Variants in ZFAND1 observed in about 807,000 individuals in gnomAD.
ZFAND1 encodes zinc finger AN1-type containing 1, also known as AN1-type zinc finger protein 1.
A neutral mutation model predicts 38.5 loss-of-function variants in ZFAND1; 40 were observed. The observed-to-expected ratio is 1.04, with a 90% CI of 0.81 to 1.35. The LOEUF is 1.35. Among genes scored for constraint, ZFAND1 ranks in the 40% most tolerant of loss-of-function variants. ZFAND1 has a pLI of 0.00. For missense variants in ZFAND1, 346 were observed against 316.3 expected, an observed-to-expected ratio of 1.09 and a Z score of -0.71; for synonymous variants, 117 against 103.6, an observed-to-expected ratio of 1.13 and a Z score of -0.78.
chr8:81,708,761 G>A (rs904635522), intron 6 of ZFAND1: 42 of 1,212,466 alleles, frequency 3.5e-5, no homozygotes, highest in Non-Finnish European at 4.2e-5. Context: ...GCAGTATACG[G>A]AACTGGTTAG....
Position 81,714,604 on chromosome 8 carries a change from A to T in ZFAND1, c.358+200T>A. ...CAAAAGAGATAAGTACTTACAGTGG[A>T]GTACCTCCAAATAATTTCCAAATTT... On this transcript the variant is annotated intron_variant, in intron 5 of 7. Coordinates refer to ENST00000220669, the MANE Select transcript of ZFAND1 (RefSeq NM_024699.3). 4 of 536,310 alleles carry T rather than the reference A, an allele frequency of 7.5e-6. No individual in the cohort carries two copies. In the East Asian group the frequency reaches 1.3e-4, roughly 18 times the overall value. 33.2% of individuals were successfully genotyped at this position (536,310 alleles called of 1,614,324 possible).
chr8:81,704,336 A>C (rs1270981461), intron 6 of ZFAND1, among the ~76,000 whole-genome samples: 1 of 152,148 alleles, frequency 6.6e-6, no homozygotes, highest in Admixed American at 6.5e-5. Context: ...CAGGAGTTCA[A>C]GACCAGCCTG....
chr8:81,708,858 A>C, intron 6 of ZFAND1: 34 of 1,164,666 alleles, frequency 2.9e-5, no homozygotes, highest in Non-Finnish European at 3.7e-5. Context: ...AATATATCTC[A>C]GAAGAGCTGC....
chr8:81,703,780 C>T (rs1226848267), intron 6 of ZFAND1, among the ~76,000 whole-genome samples: 6 of 152,038 alleles, frequency 3.9e-5, no homozygotes, highest in South Asian at 2.1e-4. Context: ...CAGCAAACCC[C>T]GTCACCTAAC....
intron 5 of ZFAND1, 149 bp downstream of exon 5, chr8:81,714,655 A>T (rs1386038690): frequency 2.8e-6 from 2 of 702,838 alleles, no homozygotes; most frequent in Non-Finnish European, 4.7e-6. Context: ...ACCTCATAAG[A>T]AATACTGTCA....
Position 81,714,034 on chromosome 8 carries a change from T to G in ZFAND1, c.364A>C (p.Lys122Gln), listed in dbSNP as rs1338871649. 1 of 1,605,858 alleles carries G rather than the reference T, an allele frequency of 6.2e-7. No individual in the cohort carries two copies. The highest frequency in any genetic ancestry group is 2.2e-5 in the East Asian group (1 of 44,752). Residue 122 changes from lysine to glutamine, a missense_variant, in exon 6 of 8, where the codon AAG (lysine) becomes CAG (glutamine). Transcript: ENST00000220669. The part of the protein sequence containing the change: ...QKLVKDIIDS[K>Q]TGETASKRWK... ...CGTTTACTTGCTGTTTCTCCTGTCT[T>G]GGAATCTAAGAAGTGTAAGCATGTA...
intron 6 of ZFAND1, among the ~76,000 whole-genome samples, chr8:81,707,713 T>G (rs1808023670): frequency 6.6e-6 from 1 of 152,222 alleles, no homozygotes; most frequent in South Asian, 2.1e-4. Flanking sequence ...CAATTTGGTA[T>G]TAACTTATGA....
intron 6 of ZFAND1, among the ~76,000 whole-genome samples, chr8:81,712,536 G>A (rs759704628): frequency 2.6e-4 from 40 of 152,188 alleles, no homozygotes; most frequent in Admixed American, 1.2e-3. Context: ...TTGCTGGATA[G>A]AAGGGCAACA....
intron 6 of ZFAND1, among the ~76,000 whole-genome samples, chr8:81,712,723 A>C (rs1808175481): frequency 6.6e-6 from 1 of 152,208 alleles, no homozygotes; most frequent in Admixed American, 6.5e-5. Context: ...GGAAACCTTA[A>C]GAAAAGTTGG....
In ZFAND1 at chr8:81,708,855, C is replaced by T. The variant is rs764606010; in HGVS notation, c.480+5063G>A. On this transcript the variant is annotated intron_variant, in intron 6 of 7. Transcript: ENST00000220669. ...CTGTGAAATTAGGATAAAAATATAT[C>T]TCAGAAGAGCTGCAAGTACTAAAGA... 10 of 1,171,660 alleles carry T rather than the reference C, an allele frequency of 8.5e-6. No individual in the cohort carries two copies. The South Asian group carries it at 1.4e-4, about 16-fold the overall frequency. 72.6% of individuals were successfully genotyped at this position (1,171,660 alleles called of 1,614,324 possible).
At chr8:81,705,546 A>G (rs922381756) in intron 6 of ZFAND1, among the ~76,000 whole-genome samples, 4 of 152,242 alleles carry the variant, frequency 2.6e-5, no homozygotes, top group Non-Finnish European at 5.9e-5. Context: ...AGTTTCTATA[A>G]TCCTCAATAA....
Position 81,714,970 on chromosome 8 carries a change from C to T in ZFAND1, c.266+17G>A. 6.2e-7 allele frequency: 1 copy of T among 1,613,986 alleles called. No homozygotes were observed. The highest frequency in any genetic ancestry group is 8.5e-7 in the Non-Finnish European group (1 of 1,179,916). On this transcript the variant is annotated intron_variant, in intron 4 of 7. Coordinates refer to ENST00000220669, the MANE Select transcript of ZFAND1 (RefSeq NM_024699.3). ...AAACAGATATACAAAGTGTGAACAG[C>T]CTAAGTGATCAATCACCTCAGGCAA... is the stretch of plus-strand genomic sequence containing the variant.
chr8:81,719,594 G>A (rs189239949), intron 1 of ZFAND1, among the ~76,000 whole-genome samples: 1 of 152,208 alleles, frequency 6.6e-6, no homozygotes. Context: ...TAATAATCAA[G>A]TATTAGATGC....
intron 1 of ZFAND1, among the ~76,000 whole-genome samples, chr8:81,719,732 G>A (rs934473337): frequency 4.6e-5 from 7 of 152,160 alleles, no homozygotes; most frequent in African/African-American, 1.7e-4. Context: ...AATCTTAACT[G>A]CTTTCCACTA....
chr8:81,720,978 C>G (rs1808454136), intron 1 of ZFAND1: 1 of 543,410 alleles, frequency 1.8e-6, no homozygotes, highest in Admixed American at 3.4e-5. Context: ...CCACCCCGCT[C>G]CTCAGGCCCT....
intron 1 of ZFAND1, among the ~76,000 whole-genome samples, chr8:81,720,220 T>C (rs1808431475): frequency 6.6e-6 from 1 of 152,226 alleles, no homozygotes; most frequent in Non-Finnish European, 1.5e-5. Context: ...TGTGTGGTTC[T>C]AATGCTTCAA....
chr8:81,715,039 T>C lies in ZFAND1; in HGVS notation c.214A>G (p.Arg72Gly). Residue 72 changes from arginine to glycine, a missense_variant, in exon 4 of 8, where the codon AGA (arginine) becomes GGA (glycine). By Grantham distance (125) the Arg-to-Gly change is moderately radical (BLOSUM62 -2). Transcript: ENST00000220669. ...GGACATATAACTGCCACAAGTTCTC[T>C]CTCAGCACAGTCTTTGAAAGAGCAT... ...YPCSFKDCAE[R>G]ELVAVICPYC... 1 of 1,614,160 alleles carries C rather than the reference T, an allele frequency of 6.2e-7. No individual in the cohort carries two copies. The highest frequency in any genetic ancestry group is 8.5e-7 in the Non-Finnish European group (1 of 1,179,992).
intron 6 of ZFAND1, among the ~76,000 whole-genome samples, chr8:81,705,522 A>T (rs1339602013): frequency 6.6e-6 from 1 of 152,244 alleles, no homozygotes; most frequent in Non-Finnish European, 1.5e-5. Context: ...AACATTCAAA[A>T]TTTATTATAG....
intron 1 of ZFAND1, 24 bp downstream of exon 1, chr8:81,721,203 G>A (rs1268520903): frequency 1.3e-6 from 2 of 1,546,398 alleles, no homozygotes; most frequent in African/African-American, 1.4e-5. Flanking sequence ...GGCCGGGGAT[G>A]GGGGCTGGAA....
Sources: allele counts gnomAD v4.1 joint callset (sites outside exome capture counted in the v4.1 genomes callset), GRCh38; gene constraint gnomAD v4.1.1; transcripts MANE v1.5; gene names NCBI Gene and HGNC (gene_info 2026-07-23, HGNC 2026-07-21).